KANK1: variants seen among roughly 807,000 people sequenced by gnomAD.
The protein encoded by KANK1 is KN motif and ankyrin repeat domains 1.
Under a neutral mutation model 106.2 loss-of-function variants are expected in KANK1, and 109 were observed. The observed-to-expected ratio is 1.03, with a 90% CI of 0.88 to 1.20. The LOEUF is 1.20. KANK1 is among the 50% of genes most tolerant of loss of function. The probability of loss-of-function intolerance (pLI) is 0.00; values close to 1 mark genes in which losing one functional copy is unlikely to be tolerated. For missense variants in KANK1, 2,399 were observed against 1,710.7 expected (o/e 1.40, Z -7.10); for synonymous variants, 873 against 652.2 (o/e 1.34, Z -5.16).
Position 713,088 on chromosome 9 carries a change from C to CA in KANK1, c.2326dup (p.Met776AsnfsTer27). The CA allele has an allele frequency of 6.2e-7, 1 of 1,613,188 alleles. No individual in the cohort carries two copies. Among genetic ancestry groups the CA allele is most frequent in the Non-Finnish European group, 8.5e-7 (1 of 1,179,378 alleles). On this transcript the variant is annotated frameshift_variant, in exon 3 of 12. Transcript: ENST00000382297. LOFTEE classifies it high-confidence loss of function. ...TTAACGACAACTATCTGGTTGGTCT[C>CA]AAAATGAGGACTATAGCTTGTGGGC...
chr9:729,533 C>G (rs773564094), intron 3 of KANK1, among the ~76,000 whole-genome samples: 26 of 152,208 alleles, frequency 1.7e-4, no homozygotes, highest in Non-Finnish European at 2.8e-4. Flanking sequence ...TAATGGGATG[C>G]AGTCCCTGTC....
At chr9:730,299 T>C in intron 4 of KANK1, 51 bp downstream of exon 4, 9 of 1,536,662 alleles carry the variant, frequency 5.9e-6, no homozygotes, top group Non-Finnish European at 7.2e-6. Context: ...GGGCCAGCAT[T>C]GCCAGCATTC....
chr9:554,435 G>A (rs2641986), intron 1 of KANK1, among the ~76,000 whole-genome samples: 142,851 of 152,292 alleles, frequency 0.94, 67,055 homozygotes, highest in East Asian at 1. Flanking sequence ...GAGCATCCAT[G>A]TTGGCGGTCT....
intron 1 of KANK1, among the ~76,000 whole-genome samples, chr9:604,096 A>C (rs1450285595): frequency 6.6e-6 from 1 of 151,700 alleles, no homozygotes; most frequent in Admixed American, 6.6e-5. Flanking sequence ...GTACCAGTTC[A>C]TAATAAATTA....
intron 3 of KANK1, chr9:476,694 A>G (rs2058110374): frequency 1.3e-5 from 2 of 152,036 alleles, no homozygotes; most frequent in Admixed American, 1.3e-4. Flanking sequence ...GCCATGATGG[A>G]CTCTGTTCTC....
At chr9:625,603 G>T (rs1427280152) in intron 1 of KANK1, among the ~76,000 whole-genome samples, 1 of 151,924 alleles carries the variant, frequency 6.6e-6, no homozygotes, top group Non-Finnish European at 1.5e-5. Flanking sequence ...AAACAACATT[G>T]AGATCACTCT....
chr9:505,236 G>T (rs2058696346), intron 1 of KANK1, among the ~76,000 whole-genome samples: 1 of 152,152 alleles, frequency 6.6e-6, no homozygotes, highest in African/African-American at 2.4e-5. Flanking sequence ...GTTGCCCTTC[G>T]CGGGAGGGAG....
At chr9:532,255 T>A (rs1460639520) in intron 1 of KANK1, among the ~76,000 whole-genome samples, 1 of 151,024 alleles carries the variant, frequency 6.6e-6, no homozygotes, top group Admixed American at 6.6e-5. Flanking sequence ...TTTTTTTTTT[T>A]TTTGAGACAG....
rs1431073628 is a variant in KANK1, at chr9:517,055, G to C, written c.-84+12301G>C. ...CGTCTTGTGTTTTTTGGTGGGCTCAGAGCCACGAGGGAGCTATTAGTTATC... is the reference window on the plus strand; with the variant it reads ...CGTCTTGTGTTTTTTGGTGGGCTCACAGCCACGAGGGAGCTATTAGTTATC... On this transcript the variant is annotated intron_variant, in intron 1 of 11. Coordinates refer to ENST00000382297, the MANE Select transcript of KANK1 (RefSeq NM_015158.5). 1.2e-4 allele frequency among the ~76,000 whole-genome samples: 18 copies of C among 145,382 alleles called. No homozygotes were observed. In the East Asian group the frequency reaches 3.9e-3, roughly 32 times the overall value.
intron 1 of KANK1, among the ~76,000 whole-genome samples, chr9:517,936 C>T (rs1255749209): frequency 6.6e-6 from 1 of 151,284 alleles, no homozygotes; most frequent in Non-Finnish European, 1.5e-5. Context: ...TGGAGTTTCA[C>T]ATTATTGGCC....
chr9:737,795 G>C (rs1834196495), intron 7 of KANK1, among the ~76,000 whole-genome samples: 1 of 152,214 alleles, frequency 6.6e-6, no homozygotes, highest in African/African-American at 2.4e-5. Context: ...GCATAATTCA[G>C]TGTAGGCTAG....
chr9:584,159 AT>A (rs1822860041), intron 1 of KANK1, among the ~76,000 whole-genome samples: 1 of 152,214 alleles, frequency 6.6e-6, no homozygotes, highest in Non-Finnish European at 1.5e-5. Flanking sequence ...ATTTATTAAA[AT>A]GGATTATTGA....
At position 698,185 on chromosome 9, in the gene KANK1, C is replaced by A. The variant is rs538130511; in HGVS notation, c.38-12619C>A. 9.6e-4 allele frequency among the ~76,000 whole-genome samples: 146 copies of A among 152,330 alleles called. 1 individual carries two copies. The highest frequency in any genetic ancestry group is 3.5e-3 in the African/African-American group (146 of 41,572). On this transcript the variant is annotated intron_variant, in intron 2 of 11. Transcript: ENST00000382297. ...ACAGCGTGCTGCCCGCCTTTCTCTCCTGCCTCCAGAGACACTTGTTGGCTG... is the reference window on the plus strand; with the variant it reads ...ACAGCGTGCTGCCCGCCTTTCTCTCATGCCTCCAGAGACACTTGTTGGCTG...
At chr9:703,585 A>G (rs1240347903) in intron 2 of KANK1, among the ~76,000 whole-genome samples, 1 of 152,066 alleles carries the variant, frequency 6.6e-6, no homozygotes, top group Non-Finnish European at 1.5e-5. Flanking sequence ...GGAAGCTATT[A>G]CTCTCAGGAT....
At chr9:564,497 A>G (rs778893396) in intron 1 of KANK1, among the ~76,000 whole-genome samples, 21 of 152,310 alleles carry the variant, frequency 1.4e-4, no homozygotes, top group Non-Finnish European at 2.2e-4. Flanking sequence ...ACATATCTCT[A>G]TTGAGGATAT....
intron 1 of KANK1, among the ~76,000 whole-genome samples, chr9:541,656 G>C (rs1370466667): frequency 1.3e-5 from 2 of 152,076 alleles, no homozygotes; most frequent in African/African-American, 4.8e-5. Flanking sequence ...GCATAGAAAA[G>C]GAAACAAACA....
At chr9:606,234 T>G (rs909669294) in intron 1 of KANK1, among the ~76,000 whole-genome samples, 1 of 150,996 alleles carries the variant, frequency 6.6e-6, no homozygotes, top group African/African-American at 2.5e-5. Flanking sequence ...TTATATAATA[T>G]GTAAAATTTT....
At chr9:632,974 G>A (rs116858095) in intron 1 of KANK1, among the ~76,000 whole-genome samples, 296 of 152,182 alleles carry the variant, frequency 1.9e-3, no homozygotes, top group Non-Finnish European at 3.5e-3. Flanking sequence ...GATTACAGGC[G>A]TGAGCCACTG....
Position 634,704 on chromosome 9 carries a change from C to A in KANK1, c.-83-42186C>A, listed in dbSNP as rs1035603310. Among the ~76,000 whole-genome samples the A allele has an allele frequency of 4.6e-5, 7 of 152,278 alleles. No homozygotes were observed. The East Asian group carries it at 1.3e-3, about 29-fold the overall frequency. ...GTTAAATTACAAACTAAATTTCTCC[C>A]GTGGTTATCTTAGCCCATGCCCAGG... On this transcript the variant is annotated intron_variant, in intron 1 of 11. Coordinates refer to ENST00000382297, the MANE Select transcript of KANK1 (RefSeq NM_015158.5).
Sources: gnomAD v4.1 joint callset for allele counts (sites outside exome capture counted in the v4.1 genomes callset) on GRCh38, gnomAD v4.1.1 for gene constraint, MANE v1.5 for transcripts, NCBI Gene and HGNC (gene_info 2026-07-23, HGNC 2026-07-21) for gene names.